Variants in UNC13C observed in about 807,000 individuals in gnomAD.
The protein encoded by UNC13C is protein unc-13 homolog C.
A neutral mutation model predicts 245.4 loss-of-function variants in UNC13C; 174 were observed. That is an observed-to-expected ratio of 0.71 (90% CI 0.63 to 0.80). The LOEUF is 0.80. Among genes scored for constraint, UNC13C ranks in the 30% least tolerant of loss-of-function variants. The pLI is 0.00. For missense variants in UNC13C, 2,829 were observed against 2,602.9 expected (o/e 1.09, Z -1.89); for synonymous variants, 992 against 895.1 (o/e 1.11, Z -1.93).
At chr15:53,847,819 T>C in the UNC13C span, among the ~76,000 whole-genome samples, 1 of 152,146 alleles carries the variant, frequency 6.6e-6, no homozygotes, top group East Asian at 1.9e-4. Flanking sequence ...GATAAGCATA[T>C]ATTTTCTTTG....
intron 30 of UNC13C, among the ~76,000 whole-genome samples, chr15:54,576,936 T>G (rs1441355205): frequency 6.6e-6 from 1 of 152,192 alleles, no homozygotes; most frequent in Non-Finnish European, 1.5e-5. Flanking sequence ...GCTATAAAAT[T>G]CAATGCAGAA....
At chr15:54,024,386 G>C (rs181000892) in intron 2 of UNC13C, among the ~76,000 whole-genome samples, 29 of 152,314 alleles carry the variant, frequency 1.9e-4, no homozygotes, top group South Asian at 4.1e-4. Flanking sequence ...TGAGAAATGA[G>C]TATCTGAAAC....
At chr15:54,567,361 A>G (rs140812222) in intron 29 of UNC13C, among the ~76,000 whole-genome samples, 1 of 152,314 alleles carries the variant, frequency 6.6e-6, no homozygotes, top group Admixed American at 6.5e-5. Flanking sequence ...CACCTGACCT[A>G]GAATCTCAAA....
chr15:54,608,859 GTTAGA>G (rs761102342), intron 30 of UNC13C, among the ~76,000 whole-genome samples: 10 of 152,138 alleles, frequency 6.6e-5, no homozygotes, highest in Non-Finnish European at 1.0e-4. Context: ...GCTGAATTAT[GTTAGA>G]TTAGACCAAT....
chr15:53,917,215 C>T, the UNC13C span, among the ~76,000 whole-genome samples: 2 of 152,118 alleles, frequency 1.3e-5, no homozygotes, highest in Non-Finnish European at 2.9e-5. Context: ...AGCTCACTTC[C>T]AGAATGGAAG....
chr15:54,040,748 A>C (rs142404100), intron 2 of UNC13C, among the ~76,000 whole-genome samples: 5 of 152,268 alleles, frequency 3.3e-5, no homozygotes, highest in Admixed American at 2.0e-4. Context: ...TGTAGAGGTG[A>C]GCACCCAGAA....
chr15:54,286,608 A>T (rs576501409), intron 10 of UNC13C, among the ~76,000 whole-genome samples: 1 of 152,294 alleles, frequency 6.6e-6, no homozygotes, highest in East Asian at 1.9e-4. Context: ...GGCCAAAAAA[A>T]TTTTGCTTTA....
At chr15:54,060,380 C>T (rs1897758569) in intron 2 of UNC13C, among the ~76,000 whole-genome samples, 1 of 152,148 alleles carries the variant, frequency 6.6e-6, no homozygotes, top group South Asian at 2.1e-4. Context: ...CTCATCATCA[C>T]TGGCCATCAG....
chr15:54,047,489 T>C (rs1471395094), intron 2 of UNC13C, among the ~76,000 whole-genome samples: 2 of 152,136 alleles, frequency 1.3e-5, no homozygotes, highest in African/African-American at 4.8e-5. Context: ...TAGTACCTCA[T>C]ATAAGTGGTA....
intron 10 of UNC13C, among the ~76,000 whole-genome samples, chr15:54,273,587 A>G (rs1296377301): frequency 2.0e-5 from 3 of 152,168 alleles, no homozygotes; most frequent in Non-Finnish European, 2.9e-5. Flanking sequence ...TGGTCTATCA[A>G]TGATTGGAAC....
At chr15:54,022,754 G>A (rs777548145) in intron 2 of UNC13C, among the ~76,000 whole-genome samples, 7 of 152,042 alleles carry the variant, frequency 4.6e-5, no homozygotes, top group Middle Eastern at 3.2e-3. Flanking sequence ...TTTTTACTTC[G>A]ATGTAATTCC....
chr15:53,882,098 G>A, the UNC13C span, among the ~76,000 whole-genome samples: 1 of 152,210 alleles, frequency 6.6e-6, no homozygotes, highest in Non-Finnish European at 1.5e-5. Flanking sequence ...TTCACTCTGA[G>A]AGTTGAATGA....
chr15:54,128,482 A>G (rs1281757609), intron 2 of UNC13C, among the ~76,000 whole-genome samples: 2 of 152,190 alleles, frequency 1.3e-5, no homozygotes, highest in South Asian at 2.1e-4. Flanking sequence ...CTGTGTGTGA[A>G]CATTTGCATC....
intron 1 of UNC13C, among the ~76,000 whole-genome samples, chr15:53,988,521 C>G (rs931133500): frequency 2.0e-5 from 3 of 151,900 alleles, no homozygotes; most frequent in African/African-American, 7.2e-5. Flanking sequence ...GATCTACCAT[C>G]ACAAGCTCTT....
At chr15:53,916,237 G>A in the UNC13C span, among the ~76,000 whole-genome samples, 1 of 152,184 alleles carries the variant, frequency 6.6e-6, no homozygotes, top group Non-Finnish European at 1.5e-5. Flanking sequence ...TATGGGGACT[G>A]AGCCCTGTAA....
intron 13 of UNC13C, among the ~76,000 whole-genome samples, chr15:54,317,782 C>T (rs968307496): frequency 4.0e-5 from 6 of 151,844 alleles, no homozygotes; most frequent in African/African-American, 1.2e-4. Flanking sequence ...TTCACAAATA[C>T]AATATATCAT....
At chr15:54,478,733 A>G (rs1399629290) in intron 19 of UNC13C, among the ~76,000 whole-genome samples, 2 of 151,416 alleles carry the variant, frequency 1.3e-5, no homozygotes, top group Non-Finnish European at 2.9e-5. Flanking sequence ...ACTTCCAACT[A>G]TGTGGTCAAT....
chr15:54,463,638 G>A (rs976599866), intron 19 of UNC13C, among the ~76,000 whole-genome samples: 5 of 152,024 alleles, frequency 3.3e-5, no homozygotes, highest in Admixed American at 6.6e-5. Context: ...AAGAAACTCC[G>A]AACACATCCG....
chr15:54,060,760 C>T (rs1410449706), intron 2 of UNC13C, among the ~76,000 whole-genome samples: 1 of 152,082 alleles, frequency 6.6e-6, no homozygotes, highest in African/African-American at 2.4e-5. Context: ...AAATGTGGCA[C>T]ATATACACCA....
Sources: gnomAD v4.1 joint callset for allele counts (sites outside exome capture counted in the v4.1 genomes callset) on GRCh38, gnomAD v4.1.1 for gene constraint, MANE v1.5 for transcripts, NCBI Gene and HGNC (gene_info 2026-07-23, HGNC 2026-07-21) for gene names.